VEZT: variants seen among roughly 807,000 people sequenced by gnomAD.
The protein encoded by VEZT is vezatin, adherens junctions transmembrane protein.
Under a neutral mutation model 79.9 loss-of-function variants are expected in VEZT, and 39 were observed. That is an observed-to-expected ratio of 0.49 (90% CI 0.38 to 0.64). The LOEUF (loss-of-function observed/expected upper bound fraction) is 0.64, where lower values mean the gene tolerates loss of function less well. Among genes scored for constraint, VEZT ranks in the 30% least tolerant of loss-of-function variants. The pLI is 0.00. For missense variants in VEZT, 837 were observed against 893.1 expected, an observed-to-expected ratio of 0.94 and a Z score of 0.80; for synonymous variants, 325 against 327.6, an observed-to-expected ratio of 0.99 and a Z score of 0.09.
At position 95,257,237 on chromosome 12, in the gene VEZT, T is replaced by C. The variant is rs1295092464; in HGVS notation, c.256T>C (p.Leu86=). 1.2e-6 allele frequency: 2 copies of C among 1,605,006 alleles called. No homozygotes were observed. The highest frequency in any genetic ancestry group is 8.5e-7 in the Non-Finnish European group (1 of 1,175,480). ...TAAGAAAGATGACTTACTTCACAAG[T>C]TGGTAAGTGGTCACTTCTTTTTGCC... The part of the protein sequence containing the change: ...CNKKDDLLHK[L]DIGFRLDSLH... The change falls in exon 3 of 12, where the codon TTG becomes CTG. Residue 86 remains leucine, a splice_region_variant and synonymous_variant. Transcript: ENST00000436874.
At chr12:95,270,791 G>T (rs2066437067) in intron 6 of VEZT, among the ~76,000 whole-genome samples, 1 of 152,120 alleles carries the variant, frequency 6.6e-6, no homozygotes, top group African/African-American at 2.4e-5. Context: ...AGCACCCAAA[G>T]ACTGCATGAC....
chr12:95,288,150 C>T (rs1397091226), intron 9 of VEZT, among the ~76,000 whole-genome samples: 6 of 152,052 alleles, frequency 3.9e-5, no homozygotes, highest in African/African-American at 1.4e-4. Context: ...ATTATTAGAA[C>T]TTCCAGAAAC....
chr12:95,300,831 G>A lies in VEZT; in HGVS notation c.*158G>A. ...GGTTTGAATAACTGATCTGAAATTA[G>A]TAGTTACCTGTAAATGGCAGATCTT... On this transcript the variant is annotated 3_prime_UTR_variant, in exon 12 of 12. Transcript: ENST00000436874. 2.1e-6 allele frequency: 2 copies of A among 972,424 alleles called. No individual in the cohort carries two copies. Among genetic ancestry groups the A allele is most frequent in the Non-Finnish European group, 2.7e-6 (2 of 728,654 alleles). The allele number at this position is 972,424 out of a possible 1,614,324, so 60.2% of individuals were successfully genotyped here.
intron 9 of VEZT, among the ~76,000 whole-genome samples, chr12:95,293,239 CTG>C (rs1361363667): frequency 6.6e-6 from 1 of 152,216 alleles, no homozygotes; most frequent in Non-Finnish European, 1.5e-5. Flanking sequence ...CTGTGCTATT[CTG>C]TCTCTCATTA....
At chr12:95,223,571 C>T (rs2057940596) in intron 1 of VEZT, among the ~76,000 whole-genome samples, 2 of 152,152 alleles carry the variant, frequency 1.3e-5, no homozygotes, top group Non-Finnish European at 1.5e-5. Context: ...CTGCCTCAGC[C>T]TCCCGAGTAG....
At chr12:95,286,282 G>A (rs12424123) in intron 8 of VEZT, 44,764 of 355,250 alleles carry the variant, frequency 0.13, 3,334 homozygotes, top group Non-Finnish European at 0.16. Context: ...GTGAGCCACC[G>A]TGCCTGACCG....
chr12:95,247,746 C>T (rs10859859), intron 1 of VEZT, among the ~76,000 whole-genome samples: 44,060 of 151,630 alleles, frequency 0.29, 7,375 homozygotes, highest in African/African-American at 0.47. Flanking sequence ...TTGACAGTTT[C>T]GGAGAAAAAG....
intron 1 of VEZT, among the ~76,000 whole-genome samples, chr12:95,246,652 TTATGA>T (rs755492116): frequency 3.3e-5 from 5 of 152,338 alleles, no homozygotes; most frequent in Non-Finnish European, 5.9e-5. Flanking sequence ...CTTTCTGGTG[TTATGA>T]TATGTGTTTT....
chr12:95,257,999 A>G lies in VEZT; in HGVS notation c.258+760A>G, dbSNP rs530624908. Among the ~76,000 whole-genome samples, 8 of 152,310 alleles carry G rather than the reference A, an allele frequency of 5.3e-5. No homozygotes were observed. The South Asian group carries it at 6.2e-4, about 12-fold the overall frequency. ...AACTTACTGAGTGAATTGTCTAAAA[A>G]TGTTCAGCTAGAAAGTGATAGAGCC... On this transcript the variant is annotated intron_variant, in intron 3 of 11. Transcript: ENST00000436874.
At chr12:95,274,918 A>C in intron 7 of VEZT, 29 bp downstream of exon 7, 1 of 1,602,668 alleles carries the variant, frequency 6.2e-7, no homozygotes, top group Non-Finnish European at 8.5e-7. Context: ...GGAAGGGCTG[A>C]AGAAAAAATA....
chr12:95,253,100 G>T (rs538435719), intron 2 of VEZT, among the ~76,000 whole-genome samples: 4 of 152,312 alleles, frequency 2.6e-5, no homozygotes, highest in Admixed American at 6.5e-5. Flanking sequence ...CCGAGTTTAT[G>T]TTCTTAACCT....
At chr12:95,284,694 T>C (rs2070144501) in intron 8 of VEZT, among the ~76,000 whole-genome samples, 3 of 152,178 alleles carry the variant, frequency 2.0e-5, no homozygotes, top group Admixed American at 2.0e-4. Context: ...CAAAAGTAAT[T>C]GCAGCTTTTG....
At chr12:95,250,586 A>G (rs150117303) in intron 1 of VEZT, among the ~76,000 whole-genome samples, 1 of 152,232 alleles carries the variant, frequency 6.6e-6, no homozygotes, top group African/African-American at 2.4e-5. Flanking sequence ...TACAGGCGTG[A>G]GCCACCGCCC....
chr12:95,298,600 T>G (rs1249925813), intron 11 of VEZT, among the ~76,000 whole-genome samples: 1 of 152,232 alleles, frequency 6.6e-6, no homozygotes, highest in African/African-American at 2.4e-5. Context: ...CACTGTTTAC[T>G]GCTGTATCCC....
At chr12:95,220,532 T>G (rs1003355724) in intron 1 of VEZT, among the ~76,000 whole-genome samples, 1 of 152,100 alleles carries the variant, frequency 6.6e-6, no homozygotes, top group African/African-American at 2.4e-5. Context: ...CCATCACTAC[T>G]CCCTACCCCA....
In VEZT at chr12:95,282,235, G is replaced by A. The variant is rs1009433238; in HGVS notation, c.997-78G>A. The A allele has an allele frequency of 6.0e-6, 8 of 1,325,028 alleles. No individual in the cohort carries two copies. The African/African-American group carries it at 1.2e-4, about 20-fold the overall frequency. The allele number at this position is 1,325,028 out of a possible 1,614,324, so 82.1% of individuals were successfully genotyped here. On this transcript the variant is annotated intron_variant, in intron 7 of 11. Coordinates refer to ENST00000436874, the MANE Select transcript of VEZT (RefSeq NM_017599.4). ...GTGCAAAATTTAAACCAGAAGTTAAGATAAACAAATTTATAGTTTGTTTTG... is the reference window on the plus strand; with the variant it reads ...GTGCAAAATTTAAACCAGAAGTTAAAATAAACAAATTTATAGTTTGTTTTG...
intron 1 of VEZT, among the ~76,000 whole-genome samples, chr12:95,226,445 T>A (rs1308112095): frequency 1.3e-5 from 2 of 152,050 alleles, no homozygotes; most frequent in Non-Finnish European, 1.5e-5. Context: ...ATTTTAATGA[T>A]CTTCAGATAG....
chr12:95,275,950 CAAAT>C (rs2067617493), intron 7 of VEZT: 1 of 151,916 alleles, frequency 6.6e-6, no homozygotes, highest in Non-Finnish European at 1.5e-5. Flanking sequence ...TGAAAGAACA[CAAAT>C]AAAAATAATA....
At chr12:95,294,523 G>T (rs554070161) in intron 10 of VEZT, among the ~76,000 whole-genome samples, 151 bp downstream of exon 10, 7 of 151,898 alleles carry the variant, frequency 4.6e-5, no homozygotes, top group East Asian at 1.9e-4. Flanking sequence ...ACTTTTTTTT[G>T]ATTGTTATTT....
Sources: allele counts gnomAD v4.1 joint callset (sites outside exome capture counted in the v4.1 genomes callset), GRCh38; gene constraint gnomAD v4.1.1; transcripts MANE v1.5; gene names NCBI Gene and HGNC (gene_info 2026-07-23, HGNC 2026-07-21).